FAM110B: variants seen among roughly 807,000 people sequenced by gnomAD.
The protein encoded by FAM110B is family with sequence similarity 110 member B, also known as protein FAM110B.
Under a neutral mutation model 20.4 loss-of-function variants are expected in FAM110B, and 6 were observed. The ratio of observed to expected loss-of-function variants is 0.29; its 90% CI spans 0.16 to 0.58. FAM110B has a LOEUF of 0.58. Ranked by LOEUF, FAM110B falls within the 20% of genes least tolerant of loss-of-function variation. The probability of loss-of-function intolerance (pLI) is 0.90; values close to 1 mark genes in which losing one functional copy is unlikely to be tolerated. For missense variants in FAM110B, 434 were observed against 498.2 expected (o/e 0.87, Z 1.23); for synonymous variants, 226 against 214.1 (o/e 1.06, Z -0.49).
At chr8:58,124,817 T>C (rs962306576) in intron 3 of FAM110B, among the ~76,000 whole-genome samples, 6 of 152,222 alleles carry the variant, frequency 3.9e-5, no homozygotes, top group African/African-American at 1.2e-4. Flanking sequence ...TCAAATATGG[T>C]ATCTCTGACT....
At chr8:58,103,282 A>G (rs1806829215) in intron 3 of FAM110B, among the ~76,000 whole-genome samples, 1 of 151,362 alleles carries the variant, frequency 6.6e-6, no homozygotes, top group South Asian at 2.1e-4. Context: ...CTAACTCGTC[A>G]TCTAGCATTA....
chr8:58,138,421 T>C (rs1803670543), intron 3 of FAM110B, among the ~76,000 whole-genome samples: 3 of 152,198 alleles, frequency 2.0e-5, no homozygotes, highest in Admixed American at 1.3e-4. Context: ...GCCTGTGTGA[T>C]CTGGTTAGAG....
chr8:58,032,890 T>G (rs1375790595), intron 2 of FAM110B, among the ~76,000 whole-genome samples: 26 of 152,168 alleles, frequency 1.7e-4, no homozygotes. Context: ...TCTTGAGACA[T>G]CGATTTCATT....
At chr8:58,048,176 G>C (rs1237735714) in intron 2 of FAM110B, among the ~76,000 whole-genome samples, 2 of 152,086 alleles carry the variant, frequency 1.3e-5, no homozygotes, top group African/African-American at 2.4e-5. Context: ...TCTAACTTAG[G>C]CTCTTTCAGA....
chr8:58,102,132 A>G (rs1255530654), intron 3 of FAM110B, among the ~76,000 whole-genome samples: 2 of 152,234 alleles, frequency 1.3e-5, no homozygotes, highest in Admixed American at 6.5e-5. Context: ...ATGTGTTTAC[A>G]TGAAAGCAGA....
intron 1 of FAM110B, among the ~76,000 whole-genome samples, chr8:58,008,851 G>A (rs1804468952): frequency 1.3e-5 from 2 of 152,182 alleles, no homozygotes; most frequent in African/African-American, 4.8e-5. Context: ...CTGATGCTCA[G>A]CAGCTCACCA....
At chr8:58,022,685 T>G (rs1465329872) in intron 1 of FAM110B, among the ~76,000 whole-genome samples, 1 of 152,158 alleles carries the variant, frequency 6.6e-6, no homozygotes, top group Non-Finnish European at 1.5e-5. Context: ...AAAACATGAG[T>G]ATTGATATTG....
At position 58,060,604 on chromosome 8, in the gene FAM110B, C is replaced by A. The variant is rs59747145; in HGVS notation, c.-413-14931C>A. On this transcript the variant is annotated intron_variant, in intron 2 of 3. Transcript: ENST00000519262. ...TTTTGCTCCCTAACATCTTCCCCAG[C>A]AGCACATAGCATACAGTATATTTTG... Among the ~76,000 whole-genome samples the A allele has an allele frequency of 8.4e-3, 1,277 of 152,194 alleles. 25 individuals are homozygous for A. Among genetic ancestry groups the A allele is most frequent in the African/African-American group, 0.03 (1,243 of 41,514 alleles).
chr8:58,078,611 T>C (rs975623902), intron 3 of FAM110B, among the ~76,000 whole-genome samples: 1 of 143,520 alleles, frequency 7.0e-6, no homozygotes, highest in East Asian at 2.1e-4. Context: ...AGTGCAGTGG[T>C]GCGATCTCGG....
chr8:58,078,841 C>T (rs1267029943), intron 3 of FAM110B, among the ~76,000 whole-genome samples: 4 of 152,166 alleles, frequency 2.6e-5, no homozygotes, highest in South Asian at 2.1e-4. Flanking sequence ...TGAGCCACCG[C>T]GCCCGGCCAG....
At position 58,146,695 on chromosome 8, in the gene FAM110B, C is replaced by T. The variant is rs1803874486; in HGVS notation, c.465C>T (p.His155=). Residue 155 remains histidine (H), a synonymous_variant, in exon 4 of 4, where the codon CAC becomes CAT. Coordinates refer to ENST00000519262, the MANE Select transcript of FAM110B (RefSeq NM_001377989.1). ...ACCGGTCGGAAGCCACTGACCTGCACCGTCACTCCTTCGCGGAGTCCCTGA... is the reference window on the plus strand; with the variant it reads ...ACCGGTCGGAAGCCACTGACCTGCATCGTCACTCCTTCGCGGAGTCCCTGA... ...PPHRSEATDL[H]RHSFAESLKV... 6.2e-7 allele frequency: 1 copy of T among 1,612,734 alleles called. No individual in the cohort carries two copies. The highest frequency in any genetic ancestry group is 2.2e-5 in the East Asian group (1 of 44,804).
At chr8:58,063,393 C>T (rs1805695443) in intron 2 of FAM110B, among the ~76,000 whole-genome samples, 1 of 152,146 alleles carries the variant, frequency 6.6e-6, no homozygotes, top group Non-Finnish European at 1.5e-5. Flanking sequence ...TCAGACCTTT[C>T]CTATGTGTAT....
intron 3 of FAM110B, chr8:58,099,054 T>A (rs760555501): frequency 2.6e-5 from 4 of 152,358 alleles, no homozygotes; most frequent in African/African-American, 9.6e-5. Flanking sequence ...TTGTTCACTC[T>A]TCCCTGTTGA....
chr8:58,134,580 G>C (rs1367096443), intron 3 of FAM110B, among the ~76,000 whole-genome samples: 2 of 152,198 alleles, frequency 1.3e-5, no homozygotes, highest in African/African-American at 2.4e-5. Context: ...GGGAACATTT[G>C]AAATAATGCC....
intron 3 of FAM110B, among the ~76,000 whole-genome samples, chr8:58,123,722 A>T (rs944973747): frequency 8.5e-5 from 13 of 152,216 alleles, no homozygotes; most frequent in Non-Finnish European, 1.8e-4. Flanking sequence ...ATTATAAATT[A>T]TTTGATTAAG....
intron 1 of FAM110B, among the ~76,000 whole-genome samples, chr8:57,998,953 G>C (rs1457483792): frequency 6.6e-6 from 1 of 152,168 alleles, no homozygotes; most frequent in Non-Finnish European, 1.5e-5. Flanking sequence ...AGAAGGGATT[G>C]AGTGAGATTT....
At chr8:58,138,554 A>G (rs1803674415) in intron 3 of FAM110B, among the ~76,000 whole-genome samples, 1 of 152,140 alleles carries the variant, frequency 6.6e-6, no homozygotes, top group Non-Finnish European at 1.5e-5. Flanking sequence ...AGCCCCAGCC[A>G]GTGTGAGATG....
intron 3 of FAM110B, among the ~76,000 whole-genome samples, chr8:58,079,078 T>G (rs1339886916): frequency 6.6e-6 from 1 of 152,136 alleles, no homozygotes. Context: ...CCAGCACCCC[T>G]GACTTTTGCC....
At chr8:58,024,209 G>A (rs112405368) in intron 1 of FAM110B, among the ~76,000 whole-genome samples, 3,931 of 140,188 alleles carry the variant, frequency 0.028, 181 homozygotes, top group African/African-American at 0.1. Flanking sequence ...AGAAATATAC[G>A]GATCTGTTTC....
Sources: gnomAD v4.1 joint callset for allele counts (sites outside exome capture counted in the v4.1 genomes callset) on GRCh38, gnomAD v4.1.1 for gene constraint, MANE v1.5 for transcripts, NCBI Gene and HGNC (gene_info 2026-07-23, HGNC 2026-07-21) for gene names.